Variants in DLGAP2 observed in about 807,000 individuals in gnomAD.
DLGAP2 encodes disks large-associated protein 2.
In DLGAP2, 26 loss-of-function variants were observed where a neutral mutation model predicts 100.3. The observed-to-expected ratio is 0.26, with a 90% confidence interval of 0.19 to 0.36. DLGAP2 has a LOEUF of 0.36. DLGAP2 is among the 10% of genes least tolerant of loss of function. The pLI is 1.00. For missense variants in DLGAP2, 1,858 were observed against 1,453.2 expected (o/e 1.28, Z -4.53); for synonymous variants, 886 against 630.1 (o/e 1.41, Z -6.08).
chr8:768,535 C>T (rs1340334593), intron 1 of DLGAP2, among the ~76,000 whole-genome samples: 2 of 150,952 alleles, frequency 1.3e-5, no homozygotes, highest in Admixed American at 6.6e-5. Flanking sequence ...AGTGATTCTC[C>T]TGCCTCAGCC....
chr8:800,704 GTGTC>G (rs950890853), intron 1 of DLGAP2, among the ~76,000 whole-genome samples: 14 of 152,186 alleles, frequency 9.2e-5, no homozygotes, highest in African/African-American at 2.4e-4. Flanking sequence ...GTGCATGTGT[GTGTC>G]TGTGTGTCCA....
intron 2 of DLGAP2, among the ~76,000 whole-genome samples, chr8:1,198,649 G>A (rs1339492027): frequency 2.0e-5 from 3 of 152,194 alleles, no homozygotes; most frequent in Admixed American, 6.5e-5. Context: ...GAGAAAGGCC[G>A]AGCCGCTCAG....
At chr8:1,484,389 C>T (rs1799185349) in intron 3 of DLGAP2, among the ~76,000 whole-genome samples, 1 of 152,242 alleles carries the variant, frequency 6.6e-6, no homozygotes, top group Non-Finnish European at 1.5e-5. Flanking sequence ...TTCCTTAGAT[C>T]CTCATTGCGC....
At chr8:1,467,380 C>T (rs1413540988) in intron 3 of DLGAP2, among the ~76,000 whole-genome samples, 2 of 151,762 alleles carry the variant, frequency 1.3e-5, no homozygotes, top group South Asian at 4.2e-4. Flanking sequence ...CACAGCCCCC[C>T]AGAGCTCTGC....
intron 2 of DLGAP2, among the ~76,000 whole-genome samples, chr8:1,011,473 C>T (rs1016609609): frequency 6.7e-6 from 1 of 148,804 alleles, no homozygotes; most frequent in Non-Finnish European, 1.5e-5. Flanking sequence ...TGGGGGGTCT[C>T]AGTCTGCACA....
chr8:1,106,768 G>T (rs567835325), intron 2 of DLGAP2, among the ~76,000 whole-genome samples: 2 of 152,076 alleles, frequency 1.3e-5, no homozygotes, highest in Non-Finnish European at 2.9e-5. Flanking sequence ...AGCCATTCTA[G>T]GAGGGTTTTC....
chr8:1,114,183 G>A (rs1309308748), intron 2 of DLGAP2, among the ~76,000 whole-genome samples: 1 of 152,092 alleles, frequency 6.6e-6, no homozygotes, highest in African/African-American at 2.4e-5. Context: ...TCTCTGCCAG[G>A]TTTTGGTATT....
At chr8:1,420,560 C>A (rs1013108701) in intron 3 of DLGAP2, among the ~76,000 whole-genome samples, 1 of 152,168 alleles carries the variant, frequency 6.6e-6, no homozygotes, top group Non-Finnish European at 1.5e-5. Flanking sequence ...CCACAGTATA[C>A]CTGAATATAT....
intron 1 of DLGAP2, among the ~76,000 whole-genome samples, chr8:748,820 C>G (rs1365578741): frequency 6.6e-6 from 1 of 152,156 alleles, no homozygotes; most frequent in Non-Finnish European, 1.5e-5. Context: ...GGTGAAACCC[C>G]GGGGTTACTG....
chr8:921,750 G>T (rs898510598), intron 2 of DLGAP2, among the ~76,000 whole-genome samples: 1 of 152,258 alleles, frequency 6.6e-6, no homozygotes, highest in Non-Finnish European at 1.5e-5. Context: ...TGCCAGTCCT[G>T]TCGGGCCGCC....
chr8:1,576,722 G>A (rs35512501), intron 6 of DLGAP2, among the ~76,000 whole-genome samples: 5 of 151,864 alleles, frequency 3.3e-5, no homozygotes, highest in Non-Finnish European at 5.9e-5. Context: ...TAAATAGGGA[G>A]TCCTTTCTCC....
chr8:905,615 G>T (rs1798363038), intron 1 of DLGAP2, among the ~76,000 whole-genome samples: 1 of 152,152 alleles, frequency 6.6e-6, no homozygotes, highest in African/African-American at 2.4e-5. Context: ...CCCTAAAGGA[G>T]TCCCACAGGC....
intron 3 of DLGAP2, among the ~76,000 whole-genome samples, chr8:1,488,533 T>C (rs900111948): frequency 5.9e-5 from 9 of 152,152 alleles, no homozygotes; most frequent in African/African-American, 2.2e-4. Flanking sequence ...AGCCTGGTCC[T>C]AAGCAGCTCC....
intron 2 of DLGAP2, among the ~76,000 whole-genome samples, chr8:1,081,584 C>T (rs1353971553): frequency 1.3e-5 from 2 of 152,206 alleles, no homozygotes; most frequent in Non-Finnish European, 2.9e-5. Flanking sequence ...ACCCTGTCCT[C>T]AAGTGATCCT....
chr8:1,273,859 A>G (rs1378034730), intron 3 of DLGAP2, among the ~76,000 whole-genome samples: 1 of 152,148 alleles, frequency 6.6e-6, no homozygotes, highest in Non-Finnish European at 1.5e-5. Flanking sequence ...CAAATGGGAG[A>G]CTTTAAATGA....
intron 3 of DLGAP2, among the ~76,000 whole-genome samples, chr8:1,324,875 C>T (rs1800984837): frequency 6.6e-6 from 1 of 152,140 alleles, no homozygotes; most frequent in African/African-American, 2.4e-5. Context: ...CTGCAGAGAG[C>T]ACAAGAATAA....
At chr8:1,516,569 G>T (rs1800396593) in intron 4 of DLGAP2, among the ~76,000 whole-genome samples, 1 of 151,728 alleles carries the variant, frequency 6.6e-6, no homozygotes, top group Non-Finnish European at 1.5e-5. Flanking sequence ...ATGAGGGAGG[G>T]AGGGCGTGAA....
At chr8:1,107,939 C>A (rs916875835) in intron 2 of DLGAP2, among the ~76,000 whole-genome samples, 1 of 152,148 alleles carries the variant, frequency 6.6e-6, no homozygotes, top group Non-Finnish European at 1.5e-5. Flanking sequence ...CAGAACGTAA[C>A]CCTGGGTTGT....
intron 6 of DLGAP2, among the ~76,000 whole-genome samples, chr8:1,580,703 A>G (rs1217390629): frequency 6.6e-6 from 1 of 152,096 alleles, no homozygotes; most frequent in Non-Finnish European, 1.5e-5. Context: ...TCGAACTACC[A>G]GAAGTGAAGG....
Sources: gnomAD v4.1 joint callset for allele counts (sites outside exome capture counted in the v4.1 genomes callset) on GRCh38, gnomAD v4.1.1 for gene constraint, MANE v1.5 for transcripts, NCBI Gene and HGNC (gene_info 2026-07-23, HGNC 2026-07-21) for gene names.